Variants in SLC15A1 observed in about 807,000 individuals in gnomAD.
SLC15A1 encodes the protein Caco-2 oligopeptide transporter.
SLC15A1 carries 83 observed loss-of-function variants against 92.9 expected under a neutral mutation model. That is an observed-to-expected ratio of 0.89 (90% confidence interval 0.75 to 1.07). SLC15A1 has a LOEUF of 1.07. Among genes scored for constraint, SLC15A1 ranks in the 50% least tolerant of loss-of-function variants. The pLI is 0.00. For missense variants in SLC15A1, 857 were observed against 880.1 expected (o/e 0.97, Z 0.33); for synonymous variants, 322 against 318.2 (o/e 1.01, Z -0.13).
In SLC15A1 at chr13:98,698,169, A is replaced by G. The variant is rs2139569286; in HGVS notation, c.1466+4311T>C. On this transcript the variant is annotated intron_variant, in intron 18 of 22. Transcript: ENST00000376503. ...AGAGTCCAACGCACCTGGATAGTCA[A>G]GACATTTTCAGTTGAGGGATACATT... Among the ~76,000 whole-genome samples, 3 of 152,356 alleles carry G rather than the reference A, an allele frequency of 2.0e-5. No homozygotes were observed. The South Asian group carries it at 6.2e-4, about 32-fold the overall frequency.
chr13:98,700,484 C>CAAAAAAAAAAAAAAAAAAAAAAAAAA (rs56342746), intron 18 of SLC15A1, among the ~76,000 whole-genome samples: 1 of 50,908 alleles, frequency 2.0e-5, no homozygotes, highest in Non-Finnish European at 3.2e-5. Context: ...GACCCTGTCT[C>CAAAAAAAAAAAAAAAAAAAAAAAAAA]AAAAAAAAAA....
chr13:98,721,957 C>A, intron 5 of SLC15A1, 54 bp from the exon 6 acceptor site: 1 of 1,463,778 alleles, frequency 6.8e-7, no homozygotes, highest in Non-Finnish European at 9.4e-7. Context: ...AAGTAGAAGG[C>A]CTCTCTTTTC....
chr13:98,726,042 C>T (rs2088295604), intron 4 of SLC15A1, 81 bp downstream of exon 4: 19 of 1,526,820 alleles, frequency 1.2e-5, no homozygotes, highest in Non-Finnish European at 1.7e-5. Flanking sequence ...ATTCATCATT[C>T]CCAGATTCCA....
chr13:98,705,482 C>T (rs1038235675), intron 16 of SLC15A1, among the ~76,000 whole-genome samples: 7 of 152,148 alleles, frequency 4.6e-5, no homozygotes, highest in African/African-American at 1.7e-4. Flanking sequence ...GGCTAAATGT[C>T]CCCTAGCATC....
At chr13:98,702,402 A>G in intron 18 of SLC15A1, 78 bp downstream of exon 18, 1 of 958,864 alleles carries the variant, frequency 1.0e-6, no homozygotes. Context: ...TATCCTTGTT[A>G]CATTTGGACT....
At chr13:98,716,710 G>A (rs2088214018) in intron 8 of SLC15A1, among the ~76,000 whole-genome samples, 1 of 152,038 alleles carries the variant, frequency 6.6e-6, no homozygotes. Context: ...TAATATTCAG[G>A]AAAAAAGAAT....
intron 1 of SLC15A1, among the ~76,000 whole-genome samples, chr13:98,731,914 GA>G (rs2088353485): frequency 6.6e-6 from 1 of 152,172 alleles, no homozygotes; most frequent in African/African-American, 2.4e-5. Context: ...CCATTACCAA[GA>G]AGGCATTTTG....
chr13:98,706,169 G>C lies in SLC15A1; in HGVS notation c.1234C>G (p.Pro412Ala), dbSNP rs534693426. Residue 412 changes from proline to alanine, a missense_variant, in exon 16 of 23, where the codon CCT becomes GCT. Pro to Ala is a conservative substitution (Grantham distance 27, BLOSUM62 -1). Coordinates refer to ENST00000376503, the MANE Select transcript of SLC15A1 (RefSeq NM_005073.4). The stretch of plus-strand genomic sequence containing the variant: ...GGGCCAAGTGTCACCATCTCTCCAG[G>C]AAGAGATATATTCATGGTATTGTTT... Reference protein sequence around the residue: ...IGNNTMNISLPGEMVTLGPMS... With the variant: ...IGNNTMNISLAGEMVTLGPMS... The C allele has an allele frequency of 9.3e-6, 15 of 1,613,200 alleles. No individual in the cohort carries two copies. The highest frequency in any genetic ancestry group is 3.4e-4 in the Middle Eastern group (2 of 5,892).
At chr13:98,746,490 T>C (rs1216587712) in intron 1 of SLC15A1, among the ~76,000 whole-genome samples, 1 of 152,236 alleles carries the variant, frequency 6.6e-6, no homozygotes, top group Non-Finnish European at 1.5e-5. Flanking sequence ...TGTATAAGCA[T>C]TCCCTTTTCT....
intron 18 of SLC15A1, among the ~76,000 whole-genome samples, chr13:98,694,183 G>A (rs1022457871): frequency 3.9e-5 from 6 of 152,026 alleles, no homozygotes; most frequent in Non-Finnish European, 5.9e-5. Context: ...ATGCCCCACC[G>A]ATACTCCCTT....
rs2274828 is a variant in SLC15A1, at chr13:98,704,357, C to T, written c.1348G>A (p.Val450Ile). 4.8e-3 allele frequency: 7,734 copies of T among 1,613,834 alleles called. 302 individuals carry two copies. In the East Asian group the frequency reaches 0.091, roughly 19 times the overall value. The change falls in exon 17 of 23, where the codon GTA becomes ATA. Residue 450 changes from valine (V) to isoleucine (I), a missense_variant. Val to Ile is a conservative substitution (Grantham distance 29). Transcript: ENST00000376503. ...ISSPGSPVTAVTDDFKQGQRH... is the reference protein window; with the variant it reads ...ISSPGSPVTAITDDFKQGQRH... ...TGGCCCTGCTTGAAGTCGTCAGTTACAGCAGTGACTGGTGATCCAGGAGAA... is the reference window on the plus strand; with the variant it reads ...TGGCCCTGCTTGAAGTCGTCAGTTATAGCAGTGACTGGTGATCCAGGAGAA...
intron 1 of SLC15A1, among the ~76,000 whole-genome samples, chr13:98,727,154 G>A (rs1430230404): frequency 6.6e-6 from 1 of 152,160 alleles, no homozygotes; most frequent in Non-Finnish European, 1.5e-5. Context: ...TTCAAAGGCC[G>A]CCCATCGGGA....
intron 1 of SLC15A1, among the ~76,000 whole-genome samples, chr13:98,730,671 G>T (rs2088343664): frequency 1.3e-5 from 2 of 152,264 alleles, no homozygotes; most frequent in Non-Finnish European, 2.9e-5. Flanking sequence ...TCGTTACGGG[G>T]GAGACGCGAC....
intron 21 of SLC15A1, among the ~76,000 whole-genome samples, chr13:98,686,769 C>T (rs2087932243): frequency 6.6e-6 from 1 of 152,148 alleles, no homozygotes; most frequent in Non-Finnish European, 1.5e-5. Flanking sequence ...TTTTCTGACT[C>T]ATCTTGGCCT....
chr13:98,708,601 C>A lies in SLC15A1; in HGVS notation c.1149+85G>T, dbSNP rs2088134147. ...GAGAAAGACCTTGGCCTCCCCTAAT[C>A]CCCTTCATGCTGAAGAAAGAAGATT... is the stretch of plus-strand genomic sequence containing the variant. On this transcript the variant is annotated intron_variant, in intron 15 of 22. Transcript: ENST00000376503. The A allele has an allele frequency of 2.2e-5, 27 of 1,201,882 alleles. No homozygotes were observed. In the Middle Eastern group the frequency reaches 7.9e-4, roughly 35 times the overall value. The allele number at this position is 1,201,882 out of a possible 1,614,324, so 74.5% of individuals were successfully genotyped here.
intron 18 of SLC15A1, among the ~76,000 whole-genome samples, chr13:98,691,374 T>C (rs1451065913): frequency 1.3e-5 from 2 of 152,270 alleles, no homozygotes; most frequent in African/African-American, 2.4e-5. Context: ...TTCCATCATA[T>C]GGATATACCA....
intron 4 of SLC15A1, among the ~76,000 whole-genome samples, chr13:98,725,554 C>T (rs1406365857): frequency 6.6e-6 from 1 of 152,172 alleles, no homozygotes; most frequent in African/African-American, 2.4e-5. Context: ...AGACAGTATC[C>T]CTGCTACTGT....
chr13:98,704,901 A>G (rs1351551768), intron 16 of SLC15A1, among the ~76,000 whole-genome samples: 1 of 152,094 alleles, frequency 6.6e-6, no homozygotes, highest in Non-Finnish European at 1.5e-5. Context: ...CTAAATCTCA[A>G]CATCTCTGGG....
At chr13:98,712,733 T>G in intron 9 of SLC15A1, 149 bp from the exon 10 acceptor site, 1 of 581,186 alleles carries the variant, frequency 1.7e-6, no homozygotes, top group Non-Finnish European at 3.0e-6. Flanking sequence ...GAGTACTTAT[T>G]TCTATTAATA....
Sources: allele counts gnomAD v4.1 joint callset (sites outside exome capture counted in the v4.1 genomes callset), GRCh38; gene constraint gnomAD v4.1.1; transcripts MANE v1.5; gene names NCBI Gene and HGNC (gene_info 2026-07-23, HGNC 2026-07-21).